RMDN2: variants seen among roughly 807,000 people sequenced by gnomAD.
RMDN2 encodes the protein regulator of microtubule dynamics protein 2.
In RMDN2, 61 loss-of-function variants were observed where a neutral mutation model predicts 52.8. The observed-to-expected ratio is 1.16, with a 90% CI of 0.94 to 1.43. The LOEUF (loss-of-function observed/expected upper bound fraction) is 1.43, where lower values mean the gene tolerates loss of function less well. Among genes scored for constraint, RMDN2 ranks in the 40% most tolerant of loss-of-function variants. The probability of loss-of-function intolerance (pLI) is 0.00; values close to 1 mark genes in which losing one functional copy is unlikely to be tolerated. For synonymous variants in RMDN2, 180 were observed against 153.1 expected, an observed-to-expected ratio of 1.18 and a Z score of -1.30; for missense variants, 592 against 475.3, an observed-to-expected ratio of 1.25 and a Z score of -2.28.
rs915799380 is a variant in RMDN2, at chr2:37,934,385, G to C, written c.452+4656G>C. ...TCTGGGGCTCAGCTGATTTTCTGCT[G>C]GGTATGGTGGTGATGAACAATGCTC... On this transcript the variant is annotated intron_variant, in intron 2 of 10. Transcript: ENST00000354545. Among the ~76,000 whole-genome samples the C allele has an allele frequency of 8.5e-5, 13 of 152,246 alleles. No individual in the cohort carries two copies. In the East Asian group the frequency reaches 9.6e-4, roughly 11 times the overall value.
chr2:38,030,088 G>A (rs867130701), intron 10 of RMDN2: 7 of 152,144 alleles, frequency 4.6e-5, no homozygotes, highest in African/African-American at 1.7e-4. Flanking sequence ...GGGAATTATG[G>A]GAGCTATAAT....
At chr2:38,039,768 C>T (rs1034411596) in intron 10 of RMDN2, among the ~76,000 whole-genome samples, 1 of 152,182 alleles carries the variant, frequency 6.6e-6, no homozygotes, top group Non-Finnish European at 1.5e-5. Context: ...TCCCATGAAC[C>T]TAACTTTTCC....
chr2:38,041,381 A>G (rs1680938281), intron 10 of RMDN2, among the ~76,000 whole-genome samples: 1 of 149,084 alleles, frequency 6.7e-6, no homozygotes, highest in Non-Finnish European at 1.5e-5. Flanking sequence ...CAGACATGTC[A>G]TCTACAAAGA....
At chr2:37,984,752 A>G (rs2125111795) in intron 5 of RMDN2, among the ~76,000 whole-genome samples, 1 of 152,332 alleles carries the variant, frequency 6.6e-6, no homozygotes, top group East Asian at 1.9e-4. Flanking sequence ...TGTTCTTGTC[A>G]AAACATATGT....
At chr2:38,013,039 C>T (rs1208313657) in intron 10 of RMDN2, among the ~76,000 whole-genome samples, 1 of 152,220 alleles carries the variant, frequency 6.6e-6, no homozygotes, top group East Asian at 1.9e-4. Context: ...GTGTAAGCAG[C>T]TTTACATTCC....
At chr2:37,932,373 T>G (rs1401305225) in intron 2 of RMDN2, among the ~76,000 whole-genome samples, 2 of 151,526 alleles carry the variant, frequency 1.3e-5, no homozygotes, top group Non-Finnish European at 2.9e-5. Context: ...GAGCACAGGG[T>G]TGGGGGTAAG....
chr2:37,924,234 G>A (rs926807794), upstream of RMDN2, among the ~76,000 whole-genome samples: 8 of 152,156 alleles, frequency 5.3e-5, no homozygotes, highest in African/African-American at 1.9e-4. Flanking sequence ...GTTGTCTGCT[G>A]TTGCTGTTTT....
chr2:37,975,055 A>G, intron 3 of RMDN2, 157 bp from the exon 4 acceptor site: 1 of 626,390 alleles, frequency 1.6e-6, no homozygotes, highest in South Asian at 1.8e-5. Flanking sequence ...TATTTGGATT[A>G]AAAATGTTTC....
chr2:37,941,942 C>CAAAAAAAAAAAA (rs70949788), intron 2 of RMDN2, among the ~76,000 whole-genome samples: 1 of 141,106 alleles, frequency 7.1e-6, no homozygotes. Flanking sequence ...ACTGGGGTAC[C>CAAAAAAAAAAAA]AAAAAAAAAA....
chr2:38,039,449 G>A (rs1018001122), intron 10 of RMDN2: 16 of 152,166 alleles, frequency 1.1e-4, no homozygotes, highest in African/African-American at 3.9e-4. Flanking sequence ...TATTTAAGGA[G>A]CACAGTCGCT....
At chr2:38,059,154 G>A (rs948752580) in intron 10 of RMDN2, among the ~76,000 whole-genome samples, 1 of 152,208 alleles carries the variant, frequency 6.6e-6, no homozygotes, top group African/African-American at 2.4e-5. Context: ...CTATCCCCAT[G>A]TGGCTTCCAA....
upstream of RMDN2, among the ~76,000 whole-genome samples, chr2:37,922,405 CCACT>C (rs1479572731): frequency 2.1e-5 from 3 of 143,744 alleles, no homozygotes; most frequent in African/African-American, 7.9e-5. Context: ...GGAAATAAAA[CCACT>C]CAAATAAAAC....
chr2:37,930,949 G>A (rs1666684855), intron 2 of RMDN2, among the ~76,000 whole-genome samples: 2 of 152,194 alleles, frequency 1.3e-5, no homozygotes, highest in African/African-American at 4.8e-5. Flanking sequence ...AGGGCAGAGG[G>A]CGGCAGGAGC....
At chr2:38,034,505 T>G (rs1164517403) in intron 10 of RMDN2, among the ~76,000 whole-genome samples, 1 of 152,162 alleles carries the variant, frequency 6.6e-6, no homozygotes, top group East Asian at 1.9e-4. Flanking sequence ...AACCAACTGA[T>G]AAGATAAACA....
At chr2:37,940,861 GT>G (rs1667722215) in intron 2 of RMDN2, among the ~76,000 whole-genome samples, 1 of 152,148 alleles carries the variant, frequency 6.6e-6, no homozygotes, top group Non-Finnish European at 1.5e-5. Flanking sequence ...GAAGGAGTTT[GT>G]TATTACCCAC....
chr2:38,036,583 C>T (rs991704433), intron 10 of RMDN2: 2 of 152,190 alleles, frequency 1.3e-5, no homozygotes, highest in Non-Finnish European at 2.9e-5. Context: ...GCTGAATTTA[C>T]CCTGTGAGAC....
intron 2 of RMDN2, among the ~76,000 whole-genome samples, chr2:37,961,338 G>T (rs554336964): frequency 1.3e-5 from 2 of 152,090 alleles, no homozygotes; most frequent in African/African-American, 4.8e-5. Flanking sequence ...TCAAACGTAG[G>T]TTTGGTCTTT....
intron 1 of RMDN2, among the ~76,000 whole-genome samples, chr2:37,927,101 G>A (rs1486286092): frequency 1.3e-5 from 2 of 152,156 alleles, no homozygotes; most frequent in Non-Finnish European, 2.9e-5. Context: ...AGCTTGAACT[G>A]TTAGTCTTTA....
chr2:37,995,809 C>G (rs1675457154), intron 7 of RMDN2, among the ~76,000 whole-genome samples: 2 of 152,072 alleles, frequency 1.3e-5, no homozygotes, highest in African/African-American at 2.4e-5. Flanking sequence ...TGCAATTAAA[C>G]TAAAAATTTA....
Sources: allele counts gnomAD v4.1 joint callset (sites outside exome capture counted in the v4.1 genomes callset), GRCh38; gene constraint gnomAD v4.1.1; transcripts MANE v1.5; gene names NCBI Gene and HGNC (gene_info 2026-07-23, HGNC 2026-07-21).